TNRC6A: variants seen among roughly 807,000 people sequenced by gnomAD.
TNRC6A encodes the protein trinucleotide repeat containing adaptor 6A, also known as trinucleotide repeat-containing gene 6A protein.
Under a neutral mutation model 221.2 loss-of-function variants are expected in TNRC6A, and 44 were observed. That is an observed-to-expected ratio of 0.20 (90% CI 0.16 to 0.26). TNRC6A has a LOEUF of 0.26. Ranked by LOEUF, TNRC6A falls within the 10% of genes least tolerant of loss-of-function variation. TNRC6A has a pLI of 1.00. For missense variants in TNRC6A, 2,199 were observed against 2,404.4 expected (o/e 0.91, Z 1.79); for synonymous variants, 847 against 838.5 (o/e 1.01, Z -0.18).
chr16:24,658,806 T>A (rs1476792664), intron 2 of TNRC6A, among the ~76,000 whole-genome samples: 1 of 152,030 alleles, frequency 6.6e-6, no homozygotes. Flanking sequence ...GTATTTTCTT[T>A]TCTTTTTCTT....
chr16:24,636,529 C>T (rs951609579), intron 1 of TNRC6A, among the ~76,000 whole-genome samples: 1 of 152,068 alleles, frequency 6.6e-6, no homozygotes, highest in Non-Finnish European at 1.5e-5. Flanking sequence ...TGCCACTGCG[C>T]CTGGTTTATT....
In TNRC6A at chr16:24,793,250, T is replaced by A. The variant is rs1029597447; in HGVS notation, c.3176-223T>A. 5 of 340,382 alleles carry A rather than the reference T, an allele frequency of 1.5e-5. No individual in the cohort carries two copies. The South Asian group carries it at 6.1e-4, about 41-fold the overall frequency. The allele number at this position is 340,382 out of a possible 1,614,324, so 21.1% of individuals were successfully genotyped here. On this transcript the variant is annotated intron_variant, in intron 6 of 24. Transcript: ENST00000395799. Reference sequence around the variant, plus strand: ...ATCAGCTCTAGGTCTAGAGGGTAATTATGAAAAAAGTTAAAAAAATTCTCA... The same window carrying A: ...ATCAGCTCTAGGTCTAGAGGGTAATAATGAAAAAAGTTAAAAAAATTCTCA...
chr16:24,664,769 TCACACA>T lies in TNRC6A; in HGVS notation n.402+23799_402+23804del, dbSNP rs149786252. On this transcript the variant is annotated intron_variant and non_coding_transcript_variant, in intron 2 of 2. Transcript: ENST00000566108. ...AGGGTGCCTTGCAGTAATCCCCAAA[TCACACA>T]CACACACACACACACACACACACAC... is the stretch of plus-strand genomic sequence containing the variant. The T allele has an allele frequency of 7.2e-3, 2,170 of 301,392 alleles. 17 individuals are homozygous for T. Among genetic ancestry groups the T allele is most frequent in the African/African-American group, 0.034 (1,392 of 40,348 alleles). 18.7% of individuals were successfully genotyped at this position (301,392 alleles called of 1,614,324 possible). A position where few individuals can be genotyped will look rare whatever the true frequency, so the allele number is the denominator to read the frequency against.
intron 2 of TNRC6A, among the ~76,000 whole-genome samples, chr16:24,650,878 G>A (rs1230892515): frequency 2.0e-5 from 3 of 152,012 alleles, no homozygotes; most frequent in Non-Finnish European, 2.9e-5. Context: ...ATTTTATACT[G>A]GTTCAGTTTT....
At chr16:24,808,814 A>C (rs950945830) in intron 17 of TNRC6A, among the ~76,000 whole-genome samples, 5 of 152,214 alleles carry the variant, frequency 3.3e-5, no homozygotes, top group African/African-American at 1.2e-4. Flanking sequence ...TTCTAATATT[A>C]ATAGTCCCTA....
Position 24,750,724 on chromosome 16 carries a change from A to G in TNRC6A, c.54-2A>G. ...AAACTTAATTGCAACTGTGTGGTTC[A>G]GGGATTTAGTGCAAGAAGAAGAACA... On this transcript the variant is annotated splice_acceptor_variant, in intron 2 of 24. Transcript: ENST00000395799. LOFTEE classifies it high-confidence loss of function. 6.5e-7 allele frequency: 1 copy of G among 1,532,660 alleles called. No homozygotes were observed. Among genetic ancestry groups the G allele is most frequent in the Non-Finnish European group, 8.7e-7 (1 of 1,146,368 alleles). 94.9% of individuals were successfully genotyped at this position (1,532,660 alleles called of 1,614,324 possible).
At position 24,806,214 on chromosome 16, in the gene TNRC6A, A is replaced by G. The variant is rs1161816410; in HGVS notation, c.4260A>G (p.Leu1420=). The G allele has an allele frequency of 5.0e-6, 8 of 1,614,128 alleles. No homozygotes were observed. In the South Asian group the frequency reaches 5.5e-5, roughly 11 times the overall value. The change falls in exon 16 of 25, where the codon TTA becomes TTG. Residue 1420 remains leucine, a synonymous_variant. Coordinates refer to ENST00000395799, the MANE Select transcript of TNRC6A (RefSeq NM_014494.4). ...LSQISQLQRL[L]AQQQRAQSQR... Reference sequence around the variant, plus strand: ...CGCTATCTTTCCTCTAGCGATTGTTAGCGCAGCAGCAAAGGGCGCAGAGTC... The same window carrying G: ...CGCTATCTTTCCTCTAGCGATTGTTGGCGCAGCAGCAAAGGGCGCAGAGTC...
chr16:24,802,753 T>C (rs2151966780), intron 11 of TNRC6A, among the ~76,000 whole-genome samples: 1 of 152,304 alleles, frequency 6.6e-6, no homozygotes, highest in African/African-American at 2.4e-5. Context: ...ACCCTGAGTC[T>C]ACTTTGTCAG....
At chr16:24,695,368 C>G (rs1380495433) in intron 2 of TNRC6A, among the ~76,000 whole-genome samples, 1 of 152,044 alleles carries the variant, frequency 6.6e-6, no homozygotes, top group Non-Finnish European at 1.5e-5. Flanking sequence ...AGCCCAGAAG[C>G]TCTTATGTTT....
Position 24,709,118 on chromosome 16 carries a change from G to A in TNRC6A, n.403-41608G>A, listed in dbSNP as rs536502572. 5.3e-5 allele frequency among the ~76,000 whole-genome samples: 8 copies of A among 152,164 alleles called. No individual in the cohort carries two copies. In the South Asian group the frequency reaches 1.2e-3, roughly 24 times the overall value. On this transcript the variant is annotated intron_variant and non_coding_transcript_variant, in intron 2 of 2. Coordinates refer to the TNRC6A transcript ENST00000566108. ...CTAAAAATACAACAATTAGCCGGGCGTGGTGGTGCATGCCTGTAATTCCAG... is the reference window on the plus strand; with the variant it reads ...CTAAAAATACAACAATTAGCCGGGCATGGTGGTGCATGCCTGTAATTCCAG...
At chr16:24,762,903 A>G (rs2057393293) in intron 4 of TNRC6A, among the ~76,000 whole-genome samples, 1 of 152,236 alleles carries the variant, frequency 6.6e-6, no homozygotes, top group South Asian at 2.1e-4. Flanking sequence ...GAATAAACTA[A>G]AACAACTCAT....
In TNRC6A at chr16:24,763,580, A is replaced by G. The variant is rs554144828; in HGVS notation, c.163+5220A>G. ...CATCTTGAGAAACGAAGGAAATGAA[A>G]AATACTTACGTAATAATCCATTATT... On this transcript the variant is annotated intron_variant, in intron 4 of 24. Transcript: ENST00000395799. Among the ~76,000 whole-genome samples the G allele has an allele frequency of 1.8e-3, 268 of 152,350 alleles. 4 individuals are homozygous for G. The highest frequency in any genetic ancestry group is 1.7e-3 in the South Asian group (8 of 4,828).
At chr16:24,678,310 C>CA (rs35383022) in intron 2 of TNRC6A, among the ~76,000 whole-genome samples, 12,399 of 84,476 alleles carry the variant, frequency 0.15, 1,102 homozygotes, top group African/African-American at 0.32. Flanking sequence ...GACCCTGTCT[C>CA]AAAAAAAAAA....
At chr16:24,778,141 CTAGAATCAGATAGACTAGGGCCT>C (rs2057765053) in intron 5 of TNRC6A, among the ~76,000 whole-genome samples, 1 of 152,150 alleles carries the variant, frequency 6.6e-6, no homozygotes, top group Non-Finnish European at 1.5e-5. Flanking sequence ...AAGGAAGTCT[CTAGAATCAGATAGACTAGGGCCT>C]TACATCCCGG....
chr16:24,655,073 T>C (rs1419435862), intron 2 of TNRC6A, among the ~76,000 whole-genome samples: 1 of 151,860 alleles, frequency 6.6e-6, no homozygotes. Context: ...CAGAACCCCA[T>C]CGCTACAAAA....
rs569860752 is a variant in TNRC6A at position 24,685,152 on chromosome 16, C to T, written n.402+44143C>T. Reference sequence around the variant, plus strand: ...CACAGGCTGTGTGATCCTAGAATTGCGTTTGTCTTCTTTTCTATGATACTT... The same window carrying T: ...CACAGGCTGTGTGATCCTAGAATTGTGTTTGTCTTCTTTTCTATGATACTT... On this transcript the variant is annotated intron_variant and non_coding_transcript_variant, in intron 2 of 2. Transcript: ENST00000566108. 8.4e-4 allele frequency among the ~76,000 whole-genome samples: 128 copies of T among 152,208 alleles called. 3 individuals carry two copies. The highest frequency in any genetic ancestry group is 3.4e-3 in the Middle Eastern group (1 of 294).
intron 2 of TNRC6A, among the ~76,000 whole-genome samples, chr16:24,656,648 G>A (rs1596607888): frequency 6.6e-6 from 1 of 151,856 alleles, no homozygotes; most frequent in Non-Finnish European, 1.5e-5. Context: ...ATAACACCAG[G>A]TTAACAAAAA....
intron 2 of TNRC6A, among the ~76,000 whole-genome samples, chr16:24,675,111 A>C (rs2055381857): frequency 6.6e-6 from 1 of 152,112 alleles, no homozygotes. Flanking sequence ...ACACCGCTGC[A>C]CTCCAGCCTG....
At chr16:24,611,270 G>T (rs143967575) in intron 1 of TNRC6A, among the ~76,000 whole-genome samples, 1 of 152,142 alleles carries the variant, frequency 6.6e-6, no homozygotes, top group Non-Finnish European at 1.5e-5. Flanking sequence ...TAAGGACTTG[G>T]TGATTGGAAA....
Sources: gnomAD v4.1 joint callset for allele counts (sites outside exome capture counted in the v4.1 genomes callset) on GRCh38, gnomAD v4.1.1 for gene constraint, MANE v1.5 for transcripts, NCBI Gene and HGNC (gene_info 2026-07-23, HGNC 2026-07-21) for gene names.